ITSN1: variants seen among roughly 807,000 people sequenced by gnomAD.
ITSN1 encodes intersectin-1.
ITSN1 carries 58 observed loss-of-function variants against 239.8 expected under a neutral mutation model. That is an observed-to-expected ratio of 0.24 (90% CI 0.20 to 0.30). ITSN1 has a LOEUF of 0.30. Ranked by LOEUF, ITSN1 falls within the 10% of genes least tolerant of loss-of-function variation. ITSN1 has a pLI of 1.00. For missense variants in ITSN1, 1,558 were observed against 2,103.3 expected (o/e 0.74, Z 5.07); for synonymous variants, 780 against 770.8 (o/e 1.01, Z -0.20).
At chr21:33,818,136 GC>G in intron 22 of ITSN1, 130 bp from the exon 23 acceptor site, 1 of 697,382 alleles carries the variant, frequency 1.4e-6, no homozygotes, top group East Asian at 2.7e-5. Flanking sequence ...CTGCTGTGCT[GC>G]CTCAGGGCCC....
At chr21:33,678,106 C>G (rs901943289) in intron 1 of ITSN1, among the ~76,000 whole-genome samples, 1 of 152,190 alleles carries the variant, frequency 6.6e-6, no homozygotes, top group Non-Finnish European at 1.5e-5. Context: ...CAGTTTCTTC[C>G]TTCTGCACTC....
intron 26 of ITSN1, among the ~76,000 whole-genome samples, chr21:33,827,090 T>C (rs764966990): frequency 6.6e-6 from 1 of 152,240 alleles, no homozygotes; most frequent in Non-Finnish European, 1.5e-5. Flanking sequence ...GAATGTTCTC[T>C]TGGGTTGTCG....
chr21:33,725,966 T>TTTTAA (rs2065809419), intron 4 of ITSN1, among the ~76,000 whole-genome samples: 2 of 152,272 alleles, frequency 1.3e-5, no homozygotes, highest in African/African-American at 4.8e-5. Flanking sequence ...GTACTTGATC[T>TTTTAA]CTTAAAGCCT....
rs2090343506 is a variant in ITSN1 at position 33,672,426 on chromosome 21, G to T, written c.-33+29713G>T. Among the ~76,000 whole-genome samples the T allele has an allele frequency of 2.0e-5, 3 of 152,002 alleles. No homozygotes were observed. In the South Asian group the frequency reaches 6.2e-4, roughly 31 times the overall value. On this transcript the variant is annotated intron_variant, in intron 1 of 39. Transcript: ENST00000381318. ...GAAGTACAAATGAAACCACAATGAG[G>T]TACCACCTCCAACATGTTAGGATGG...
chr21:33,849,487 T>A (rs2075090504), intron 29 of ITSN1, among the ~76,000 whole-genome samples: 1 of 147,242 alleles, frequency 6.8e-6, no homozygotes, highest in Non-Finnish European at 1.5e-5. Flanking sequence ...AATTGCTTGA[T>A]CCTGGGAGGT....
chr21:33,692,027 T>C (rs900627141), intron 1 of ITSN1, among the ~76,000 whole-genome samples: 1 of 152,098 alleles, frequency 6.6e-6, no homozygotes, highest in Non-Finnish European at 1.5e-5. Flanking sequence ...TGATCAAATA[T>C]CAAAGGTGAT....
intron 4 of ITSN1, among the ~76,000 whole-genome samples, chr21:33,728,184 C>A (rs1314548413): frequency 6.6e-6 from 1 of 152,032 alleles, no homozygotes; most frequent in Non-Finnish European, 1.5e-5. Context: ...AGGCTGGGCT[C>A]GAACTCCTGA....
intron 5 of ITSN1, among the ~76,000 whole-genome samples, chr21:33,739,830 G>A (rs916197874): frequency 1.3e-5 from 2 of 152,238 alleles, no homozygotes; most frequent in African/African-American, 4.8e-5. Context: ...AACAGATTAA[G>A]CAGAAGAGTG....
At chr21:33,664,515 A>T (rs1435564542) in intron 1 of ITSN1, among the ~76,000 whole-genome samples, 1 of 151,650 alleles carries the variant, frequency 6.6e-6, no homozygotes, top group Non-Finnish European at 1.5e-5. Flanking sequence ...ACTAAGCCCC[A>T]CCTCCCTACA....
At chr21:33,777,117 G>T (rs2069698996) in intron 14 of ITSN1, among the ~76,000 whole-genome samples, 2 of 151,980 alleles carry the variant, frequency 1.3e-5, no homozygotes, top group Non-Finnish European at 2.9e-5. Context: ...ATATGTTTAG[G>T]TCTATGAGCT....
chr21:33,785,157 G>A (rs1336548708), intron 16 of ITSN1, among the ~76,000 whole-genome samples: 2 of 152,196 alleles, frequency 1.3e-5, no homozygotes, highest in African/African-American at 4.8e-5. Flanking sequence ...TGTAACACTG[G>A]AGGAATACCT....
At chr21:33,848,020 G>A (rs191705541) in intron 29 of ITSN1, among the ~76,000 whole-genome samples, 90 of 152,264 alleles carry the variant, frequency 5.9e-4, no homozygotes, top group Non-Finnish European at 2.4e-4. Context: ...CAAACTCCAG[G>A]GCCACAGCCC....
chr21:33,841,973 T>C (rs1393845508), intron 29 of ITSN1, among the ~76,000 whole-genome samples: 2 of 149,114 alleles, frequency 1.3e-5, no homozygotes, highest in East Asian at 3.9e-4. Flanking sequence ...TTCACCCAGG[T>C]TGGAGTACAG....
intron 1 of ITSN1, among the ~76,000 whole-genome samples, chr21:33,683,981 G>T (rs1161476314): frequency 6.6e-6 from 1 of 152,188 alleles, no homozygotes; most frequent in Non-Finnish European, 1.5e-5. Context: ...ATAAAGAGAG[G>T]AAAGGGGGAA....
chr21:33,686,438 T>C (rs1368516799), intron 1 of ITSN1, among the ~76,000 whole-genome samples: 2 of 152,222 alleles, frequency 1.3e-5, no homozygotes, highest in African/African-American at 4.8e-5. Context: ...GCTGGAATGC[T>C]AGAAAAGCAT....
chr21:33,754,851 G>A (rs369833969), intron 7 of ITSN1, among the ~76,000 whole-genome samples: 12 of 152,262 alleles, frequency 7.9e-5, no homozygotes, highest in African/African-American at 2.4e-4. Flanking sequence ...GTATATTCAC[G>A]TATAGAAAGT....
At chr21:33,804,242 G>A (rs927386794) in intron 20 of ITSN1, among the ~76,000 whole-genome samples, 1 of 152,030 alleles carries the variant, frequency 6.6e-6, no homozygotes, top group Admixed American at 6.6e-5. Context: ...TTTAATGTAG[G>A]CAGTCTTAGC....
chr21:33,673,697 G>C (rs900084191), intron 1 of ITSN1, among the ~76,000 whole-genome samples: 1 of 151,114 alleles, frequency 6.6e-6, no homozygotes, highest in Non-Finnish European at 1.5e-5. Context: ...ATTTCTAACT[G>C]AACTGCAGGC....
At chr21:33,672,098 G>A (rs1396307451) in intron 1 of ITSN1, among the ~76,000 whole-genome samples, 1 of 151,870 alleles carries the variant, frequency 6.6e-6, no homozygotes, top group Non-Finnish European at 1.5e-5. Flanking sequence ...TACAAAATTA[G>A]CCAGCGTGGT....
Sources: gnomAD v4.1 joint callset for allele counts (sites outside exome capture counted in the v4.1 genomes callset) on GRCh38, gnomAD v4.1.1 for gene constraint, MANE v1.5 for transcripts, NCBI Gene and HGNC (gene_info 2026-07-23, HGNC 2026-07-21) for gene names.